The following DYNC2H1 variants were observed in gnomAD, a reference collection of about 807,000 sequenced individuals.
The protein encoded by DYNC2H1 is cytoplasmic dynein 2 heavy chain 1.
Under a neutral mutation model 570.0 loss-of-function variants are expected in DYNC2H1, and 410 were observed. The observed-to-expected ratio is 0.72, with a 90% confidence interval of 0.66 to 0.78. The LOEUF (loss-of-function observed/expected upper bound fraction) is 0.78, where lower values mean the gene tolerates loss of function less well. Ranked by LOEUF, DYNC2H1 falls within the 30% of genes least tolerant of loss-of-function variation. The pLI is 0.00. For missense variants in DYNC2H1, 4,865 were observed against 5,046.4 expected (o/e 0.96, Z 1.09); for synonymous variants, 1,688 against 1,677.6 (o/e 1.01, Z -0.15).
intron 83 of DYNC2H1, among the ~76,000 whole-genome samples, chr11:103,373,619 C>T (rs1941269537): frequency 6.6e-6 from 1 of 152,146 alleles, no homozygotes; most frequent in Non-Finnish European, 1.5e-5. Flanking sequence ...CTAACATATC[C>T]TTGAGAATGT....
chr11:103,459,825 G>A (rs35317016), intron 87 of DYNC2H1, among the ~76,000 whole-genome samples: 3,628 of 151,052 alleles, frequency 0.024, 153 homozygotes, highest in African/African-American at 0.083. Context: ...GGTGGCGGGC[G>A]CCTGTAGTCC....
intron 83 of DYNC2H1, among the ~76,000 whole-genome samples, chr11:103,379,113 A>G (rs1302559929): frequency 1.3e-5 from 2 of 152,168 alleles, no homozygotes; most frequent in Non-Finnish European, 2.9e-5. Flanking sequence ...TGAAATAGTG[A>G]CACAGTGGAT....
Position 103,174,136 on chromosome 11 carries a change from TAGAC to T in DYNC2H1, c.5643_5646del (p.Arg1881SerfsTer2). The T allele has an allele frequency of 6.3e-7, 1 of 1,585,252 alleles. No individual in the cohort carries two copies. On this transcript the variant is annotated frameshift_variant, in exon 36 of 89. Transcript: ENST00000375735. LOFTEE classifies it high-confidence loss of function. The stretch of plus-strand genomic sequence containing the variant: ...TTCTGAGAGGAAGTGGAAATCTCCT[TAGAC>T]AGCTAAACAAAAGTGGCACTACACA...
intron 79 of DYNC2H1, among the ~76,000 whole-genome samples, chr11:103,315,585 G>A (rs1387318985): frequency 2.6e-5 from 4 of 151,836 alleles, no homozygotes; most frequent in South Asian, 2.1e-4. Context: ...TTTTCCTAAC[G>A]AGTTCTTAAA....
chr11:103,391,080 C>A (rs962648472), intron 83 of DYNC2H1, among the ~76,000 whole-genome samples: 3 of 152,174 alleles, frequency 2.0e-5, no homozygotes, highest in African/African-American at 7.2e-5. Context: ...CTGATAATAT[C>A]CTGCAGAGTG....
At chr11:103,379,686 A>G (rs1000766555) in intron 83 of DYNC2H1, among the ~76,000 whole-genome samples, 7 of 152,302 alleles carry the variant, frequency 4.6e-5, no homozygotes, top group East Asian at 3.9e-4. Context: ...AGCTTCTTCT[A>G]TAGCAAAGCA....
At chr11:103,188,237 T>G (rs752981274) in intron 43 of DYNC2H1, among the ~76,000 whole-genome samples, 3 of 152,094 alleles carry the variant, frequency 2.0e-5, no homozygotes, top group Non-Finnish European at 4.4e-5. Flanking sequence ...ATTTATAATA[T>G]CATTGCATTT....
chr11:103,185,505 T>A lies in DYNC2H1; in HGVS notation c.6633+454T>A. On this transcript the variant is annotated intron_variant, in intron 41 of 88. Coordinates refer to ENST00000375735, the MANE Select transcript of DYNC2H1 (RefSeq NM_001377.3). This position sits in a 1 kb window ranked among gnomAD's most constrained non-coding sequence, Gnocchi z 4.5. ...ATTACAGTCAAGTTGTTTATAAAGC[T>A]GAATTCTAAATAATAAGTGATTTTT... Among the ~76,000 whole-genome samples, 1 of 151,994 alleles carries A rather than the reference T, an allele frequency of 6.6e-6. No homozygotes were observed. Among genetic ancestry groups the A allele is most frequent in the East Asian group, 1.9e-4 (1 of 5,200 alleles).
chr11:103,134,318 T>C lies in DYNC2H1; in HGVS notation c.2107-3T>C, dbSNP rs753080796. 7 of 1,612,406 alleles carry C rather than the reference T, an allele frequency of 4.3e-6. No homozygotes were observed. Among genetic ancestry groups the C allele is most frequent in the East Asian group, 2.2e-5 (1 of 44,824 alleles). On this transcript the variant is annotated splice_region_variant and splice_polypyrimidine_tract_variant and intron_variant, in intron 14 of 88. Coordinates refer to ENST00000375735, the MANE Select transcript of DYNC2H1 (RefSeq NM_001377.3). ...GAGACTAGCATGCTCTAATTTTTCA[T>C]AGGTGGTTGTTCTTATGAATATTGA...
intron 17 of DYNC2H1, among the ~76,000 whole-genome samples, chr11:103,137,373 G>A (rs1439305359): frequency 7.3e-5 from 11 of 151,636 alleles, no homozygotes; most frequent in Non-Finnish European, 4.4e-5. Context: ...TAACGTTTAA[G>A]TCTTTAATCC....
At chr11:103,304,493 T>G in intron 76 of DYNC2H1, 102 bp from the exon 77 acceptor site, 1 of 1,232,942 alleles carries the variant, frequency 8.1e-7, no homozygotes, top group Non-Finnish European at 1.1e-6. Flanking sequence ...TTAAAGCCAG[T>G]TAGGAAGGTT....
chr11:103,186,330 A>G lies in DYNC2H1; in HGVS notation c.6722A>G (p.Tyr2241Cys). Residue 2241 changes from tyrosine (Y) to cysteine (C), a missense_variant, in exon 42 of 89, where the codon TAT (tyrosine) becomes TGT (cysteine). Physicochemically the swap from Tyr to Cys is radical, Grantham distance 194. Transcript: ENST00000375735. This position sits in a 1 kb window ranked among gnomAD's most constrained non-coding sequence, Gnocchi z 4.5. The stretch of plus-strand genomic sequence containing the variant: ...TCTACTAGGGGTCGATTAGCAACAT[A>G]TGTGCTTAAGAAGCCAGAAGACTTG... ...YDSTRGRLAT[Y>C]VLKKPEDLTA... The G allele has an allele frequency of 1.2e-6, 2 of 1,612,746 alleles. No homozygotes were observed. Among genetic ancestry groups the G allele is most frequent in the Non-Finnish European group, 1.7e-6 (2 of 1,179,196 alleles).
At chr11:103,176,466 A>G in intron 37 of DYNC2H1, 32 bp downstream of exon 37, 1 of 1,403,004 alleles carries the variant, frequency 7.1e-7, no homozygotes. Context: ...TAATAGATTG[A>G]TCCCTTTTCC....
chr11:103,478,825 TAGAG>T (rs1945649765), intron 88 of DYNC2H1, among the ~76,000 whole-genome samples: 1 of 151,768 alleles, frequency 6.6e-6, no homozygotes, highest in Non-Finnish European at 1.5e-5. Flanking sequence ...ATTTTATTTA[TAGAG>T]ATATATATGT....
rs145110582 is a variant in DYNC2H1 at position 103,342,469 on chromosome 11, A to G, written c.12040-15774A>G. Among the ~76,000 whole-genome samples the G allele has an allele frequency of 2.5e-3, 385 of 151,714 alleles. 1 individual carries two copies. Among genetic ancestry groups the G allele is most frequent in the African/African-American group, 8.8e-3 (363 of 41,358 alleles). Reference sequence around the variant, plus strand: ...AACCTTTGTTCTTTCACTCTTCGCAATAAATCTTGCTGCAGCTCACTCTTT... The same window carrying G: ...AACCTTTGTTCTTTCACTCTTCGCAGTAAATCTTGCTGCAGCTCACTCTTT... On this transcript the variant is annotated intron_variant, in intron 82 of 88. Transcript: ENST00000375735.
chr11:103,222,929 G>A, intron 58 of DYNC2H1, 36 bp from the exon 59 acceptor site: 1 of 1,609,368 alleles, frequency 6.2e-7, no homozygotes, highest in Admixed American at 1.7e-5. Context: ...TTGAAATTAA[G>A]TAAGGATGTT....
At chr11:103,436,139 C>A in intron 85 of DYNC2H1, 107 bp downstream of exon 85, 1 of 771,076 alleles carries the variant, frequency 1.3e-6, no homozygotes, top group Non-Finnish European at 2.0e-6. Flanking sequence ...TGATTTTGCA[C>A]ATAAAACATC....
Position 103,422,753 on chromosome 11 carries a change from A to G in DYNC2H1, c.12367-13190A>G, listed in dbSNP as rs181907600. Among the ~76,000 whole-genome samples the G allele has an allele frequency of 2.8e-3, 430 of 152,330 alleles. 2 individuals carry two copies. Among genetic ancestry groups the G allele is most frequent in the African/African-American group, 9.9e-3 (411 of 41,592 alleles). On this transcript the variant is annotated intron_variant, in intron 84 of 88. Transcript: ENST00000375735. ...TAATAATGAATGGGCAAAAGTGGGA[A>G]GTATTCCCCTTGAAAACTGGCACAA... is the stretch of plus-strand genomic sequence containing the variant.
intron 83 of DYNC2H1, among the ~76,000 whole-genome samples, chr11:103,381,433 ATTTATTTTAT>A (rs145649070): frequency 1.3e-5 from 2 of 151,892 alleles, no homozygotes; most frequent in Non-Finnish European, 2.9e-5. Context: ...AATATCTTTT[ATTTATTTTAT>A]TTTATTTTAT....
Sources: gnomAD v4.1 joint callset for allele counts (sites outside exome capture counted in the v4.1 genomes callset) on GRCh38, gnomAD v4.1.1 for gene constraint, Gnocchi (gnomAD v3.1) non-coding constraint, MANE v1.5 for transcripts, NCBI Gene and HGNC (gene_info 2026-07-23, HGNC 2026-07-21) for gene names.